ARHGAP8: variants seen among roughly 807,000 people sequenced by gnomAD.
ARHGAP8 encodes Rho GTPase activating protein 8.
ARHGAP8 carries 62 observed loss-of-function variants against 46.1 expected under a neutral mutation model. The observed-to-expected ratio is 1.34, with a 90% confidence interval of 1.10 to 1.66. The LOEUF is 1.66. Ranked by LOEUF, ARHGAP8 falls within the 40% of genes most tolerant of loss-of-function variation. ARHGAP8 has a pLI of 0.00. For missense variants in ARHGAP8, 923 were observed against 568.4 expected (o/e 1.62, Z -6.34); for synonymous variants, 375 against 243.1 (o/e 1.54, Z -5.05).
intron 7 of ARHGAP8, among the ~76,000 whole-genome samples, chr22:44,826,990 C>G (rs1930566033): frequency 6.6e-6 from 1 of 152,252 alleles, no homozygotes; most frequent in Middle Eastern, 3.4e-3. Context: ...ATTCCCAGAA[C>G]CTGTGATTAG....
At chr22:44,774,442 A>T (rs531771892) in intron 1 of ARHGAP8, among the ~76,000 whole-genome samples, 1 of 151,932 alleles carries the variant, frequency 6.6e-6, no homozygotes, top group East Asian at 1.9e-4. Flanking sequence ...AAATGCCTTT[A>T]TAATTAGTGT....
At chr22:44,757,805 A>ATTTTTTTTTTT (rs132444) in intron 1 of ARHGAP8, among the ~76,000 whole-genome samples, 39 of 136,972 alleles carry the variant, frequency 2.8e-4, no homozygotes, top group Non-Finnish European at 4.4e-4. Flanking sequence ...TGCCTGGCTA[A>ATTTTTTTTTTT]TTTTTTTTTT....
At chr22:44,779,199 A>G (rs1233666552) in intron 1 of ARHGAP8, among the ~76,000 whole-genome samples, 1 of 149,682 alleles carries the variant, frequency 6.7e-6, no homozygotes, top group Non-Finnish European at 1.5e-5. Flanking sequence ...TCTTGGGTTC[A>G]AGCGATTCTC....
intron 7 of ARHGAP8, among the ~76,000 whole-genome samples, chr22:44,831,201 G>A (rs186416502): frequency 6.6e-5 from 10 of 151,818 alleles, no homozygotes; most frequent in Admixed American, 3.9e-4. Context: ...TTCTTTTGTC[G>A]CTTGTGCTTT....
chr22:44,793,665 C>T (rs540336698), intron 2 of ARHGAP8, among the ~76,000 whole-genome samples: 43 of 152,126 alleles, frequency 2.8e-4, no homozygotes, highest in Admixed American at 1.4e-3. Flanking sequence ...CTGTGGGAAT[C>T]GTTTCTTTAT....
intron 10 of ARHGAP8, among the ~76,000 whole-genome samples, chr22:44,851,249 A>C (rs1045404309): frequency 2.6e-5 from 4 of 152,210 alleles, no homozygotes; most frequent in African/African-American, 4.8e-5. Flanking sequence ...CTCTGTTGGG[A>C]AGGAAAAAAT....
intron 10 of ARHGAP8, among the ~76,000 whole-genome samples, chr22:44,852,791 T>A (rs2070129201): frequency 6.6e-6 from 1 of 152,108 alleles, no homozygotes; most frequent in African/African-American, 2.4e-5. Flanking sequence ...GGATTTTTTT[T>A]ATTTTGTTTT....
intron 4 of ARHGAP8, 27 bp downstream of exon 4, chr22:44,808,465 G>T (rs369378992): frequency 3.7e-6 from 6 of 1,611,926 alleles, no homozygotes; most frequent in Non-Finnish European, 5.1e-6. Flanking sequence ...CTTCAGGGAC[G>T]TGGGTGTGGG....
At chr22:44,770,686 A>G (rs1328935083) in intron 1 of ARHGAP8, among the ~76,000 whole-genome samples, 1 of 152,148 alleles carries the variant, frequency 6.6e-6, no homozygotes, top group Non-Finnish European at 1.5e-5. Context: ...GATTACAGGC[A>G]TGTGCCACTA....
intron 1 of ARHGAP8, among the ~76,000 whole-genome samples, chr22:44,765,597 C>G (rs998964015): frequency 1.1e-4 from 16 of 152,122 alleles, no homozygotes; most frequent in Non-Finnish European, 1.9e-4. Context: ...TGCCCTCCTC[C>G]CATCATCAAG....
intron 7 of ARHGAP8, among the ~76,000 whole-genome samples, chr22:44,838,620 A>C (rs999951818): frequency 6.6e-6 from 1 of 152,162 alleles, no homozygotes; most frequent in Non-Finnish European, 1.5e-5. Flanking sequence ...GCAGTAGGCA[A>C]AGGGGTCTTT....
chr22:44,754,004 C>T (rs1924463669), intron 1 of ARHGAP8, among the ~76,000 whole-genome samples: 1 of 152,196 alleles, frequency 6.6e-6, no homozygotes, highest in Admixed American at 6.5e-5. Flanking sequence ...ATTCCCCAAA[C>T]CAACGCCAGA....
At chr22:44,837,505 C>T (rs887516634) in intron 7 of ARHGAP8, among the ~76,000 whole-genome samples, 6 of 152,152 alleles carry the variant, frequency 3.9e-5, no homozygotes, top group African/African-American at 1.2e-4. Flanking sequence ...CTTGCTGAGA[C>T]GTGACCCTGG....
intron 7 of ARHGAP8, 45 bp from the exon 8 acceptor site, chr22:44,845,224 A>G (rs747928517): frequency 1.2e-6 from 2 of 1,612,306 alleles, no homozygotes; most frequent in South Asian, 1.1e-5. Context: ...GTGATCACCC[A>G]TCAAGCTCAG....
chr22:44,799,267 T>C (rs1928313317), intron 2 of ARHGAP8, among the ~76,000 whole-genome samples: 1 of 152,224 alleles, frequency 6.6e-6, no homozygotes, highest in South Asian at 2.1e-4. Flanking sequence ...GGCCTCTCCC[T>C]GTACATTACC....
chr22:44,793,508 T>G (rs56333305), intron 2 of ARHGAP8, among the ~76,000 whole-genome samples: 30,371 of 152,020 alleles, frequency 0.2, 3,289 homozygotes, highest in East Asian at 0.43. Context: ...CCTTCCACTT[T>G]TGCAAAAATG....
At chr22:44,862,220 G>GGTGCCC (rs200357089) in intron 11 of ARHGAP8, 55 bp from the exon 12 acceptor site, 2 of 1,534,432 alleles carry the variant, frequency 1.3e-6, no homozygotes, top group Non-Finnish European at 1.8e-6. Flanking sequence ...GGGAGTTCCA[G>GGTGCCC]GTGCCCGTGC....
At chr22:44,762,530 A>G (rs132454) in intron 1 of ARHGAP8, among the ~76,000 whole-genome samples, 130,975 of 146,538 alleles carry the variant, frequency 0.89, 58,684 homozygotes, top group African/African-American at 0.95. Flanking sequence ...CTCATTATGA[A>G]CTCTCTCTCT....
intron 1 of ARHGAP8, among the ~76,000 whole-genome samples, chr22:44,774,881 A>G (rs1031416769): frequency 9.2e-5 from 14 of 151,884 alleles, no homozygotes; most frequent in Non-Finnish European, 1.5e-4. Context: ...CCCGGGCTGG[A>G]GTGCAGTGGA....
Sources: allele counts gnomAD v4.1 joint callset (sites outside exome capture counted in the v4.1 genomes callset), GRCh38; gene constraint gnomAD v4.1.1; transcripts MANE v1.5; gene names NCBI Gene and HGNC (gene_info 2026-07-23, HGNC 2026-07-21).